Variants in MUC17 observed in about 807,000 individuals in gnomAD.
MUC17 encodes the protein mucin 17, cell surface associated.
MUC17 carries 190 observed loss-of-function variants against 170.3 expected under a neutral mutation model. The ratio of observed to expected loss-of-function variants is 1.12; its 90% confidence interval spans 0.99 to 1.26. MUC17 has a LOEUF of 1.26. Ranked by LOEUF, MUC17 falls within the 50% of genes most tolerant of loss-of-function variation. The pLI, the probability that MUC17 is intolerant of heterozygous loss-of-function variation, is 0.00. For synonymous variants in MUC17, 2,325 were observed against 2,002.5 expected, an observed-to-expected ratio of 1.16 and a Z score of -4.30; for missense variants, 6,415 against 5,530.0, an observed-to-expected ratio of 1.16 and a Z score of -5.08.
At chr7:101,024,095 T>G (rs1177109002) in intron 1 of MUC17, among the ~76,000 whole-genome samples, 1 of 151,000 alleles carries the variant, frequency 6.6e-6, no homozygotes, top group Middle Eastern at 3.2e-3. Flanking sequence ...CAGGCTTTCT[T>G]TTTTTTTTAA....
At position 101,041,097 on chromosome 7, in the gene MUC17, A is replaced by G. The variant is rs878877374; in HGVS notation, c.9681A>G (p.Val3227=). ...PSEGMTPLTS[V]PVSNTPVASS... is the part of the protein sequence containing the mutation. ...AAGGAATGACTCCATTAACTAGTGTACCTGTCAGCAACACGCCGGTGGCCA... is the reference window on the plus strand; with the variant it reads ...AAGGAATGACTCCATTAACTAGTGTGCCTGTCAGCAACACGCCGGTGGCCA... Residue 3227 remains valine (V), a synonymous_variant, in exon 3 of 13, where the codon GTA becomes GTG. Coordinates refer to ENST00000306151, the MANE Select transcript of MUC17 (RefSeq NM_001040105.2). 6.2e-7 allele frequency: 1 copy of G among 1,612,878 alleles called. No individual in the cohort carries two copies. Among genetic ancestry groups the G allele is most frequent in the East Asian group, 2.2e-5 (1 of 44,730 alleles).
In MUC17 at chr7:101,035,460, G is replaced by C. The variant is rs151068583; in HGVS notation, c.4044G>C (p.Leu1348=). ...PLTSIPVNTT[L]VASSAISILS... ...CAAGTATACCTGTCAACACCACACT[G>C]GTGGCCAGTTCTGCAATCAGCATCC... Residue 1348 remains leucine, a synonymous_variant, in exon 3 of 13, where the codon CTG becomes CTC. Coordinates refer to ENST00000306151, the MANE Select transcript of MUC17 (RefSeq NM_001040105.2). 4 of 1,600,822 alleles carry C rather than the reference G, an allele frequency of 2.5e-6. No individual in the cohort carries two copies. Among genetic ancestry groups the C allele is most frequent in the East Asian group, 4.6e-5 (2 of 43,838 alleles).
At chr7:101,026,107 C>T (rs1343074392) in intron 1 of MUC17, among the ~76,000 whole-genome samples, 1 of 152,216 alleles carries the variant, frequency 6.6e-6, no homozygotes, top group African/African-American at 2.4e-5. Flanking sequence ...CCTATACTCA[C>T]CCCTGCAAAG....
At position 101,044,484 on chromosome 7, in the gene MUC17, T is replaced by A. The variant is rs575087895; in HGVS notation, c.12403+665T>A. Among the ~76,000 whole-genome samples the A allele has an allele frequency of 4.6e-5, 7 of 152,372 alleles. No homozygotes were observed. In the South Asian group the frequency reaches 8.3e-4, roughly 18 times the overall value. On this transcript the variant is annotated intron_variant, in intron 3 of 12. Transcript: ENST00000306151. ...TTTGCTCTGACTTACTTGTTTTCCC[T>A]TTGATAAAACCTGCATCAAGGTTTT...
chr7:101,033,574 A>T lies in MUC17; in HGVS notation c.2158A>T (p.Thr720Ser). 1 of 1,614,040 alleles carries T rather than the reference A, an allele frequency of 6.2e-7. No individual in the cohort carries two copies. The highest frequency in any genetic ancestry group is 8.5e-7 in the Non-Finnish European group (1 of 1,179,988). ...TCCTGTTGACACCAGCACACCTGTG[A>T]CCACTTCAACTGAAGCCAGTTCCTC... is the stretch of plus-strand genomic sequence containing the variant. Reference protein sequence around the residue: ...TTPVDTSTPVTTSTEASSSPT... With the variant: ...TTPVDTSTPVSTSTEASSSPT... Residue 720 changes from threonine to serine, a missense_variant, in exon 3 of 13, where the codon ACC becomes TCC. Transcript: ENST00000306151.
In MUC17 at chr7:101,032,171, A is replaced by G. The variant is rs1794300324; in HGVS notation, c.755A>G (p.Gln252Arg). ...EISTPVTISA[Q>R]ASSSPTTAEG... is the part of the protein sequence containing the mutation. ...AGCACACCTGTGACCATTTCTGCTC[A>G]AGCCAGTTCATCTCCTACAACTGCT... Residue 252 changes from glutamine (Q) to arginine (R), a missense_variant, in exon 3 of 13, where the codon CAA becomes CGA. Gln to Arg is a conservative substitution (Grantham distance 43). Coordinates refer to ENST00000306151, the MANE Select transcript of MUC17 (RefSeq NM_001040105.2). 6.2e-7 allele frequency: 1 copy of G among 1,613,994 alleles called. No individual in the cohort carries two copies. The highest frequency in any genetic ancestry group is 1.7e-5 in the Admixed American group (1 of 59,976).
At position 101,029,358 on chromosome 7, in the gene MUC17, A is replaced by AATAC. The variant is rs566444883; in HGVS notation, c.83-1747_83-1744dup. On this transcript the variant is annotated intron_variant, in intron 1 of 12. Coordinates refer to ENST00000306151, the MANE Select transcript of MUC17 (RefSeq NM_001040105.2). ...GCAACAGAGCGAGGCTCTGTCTCTAAATACATACATACATACATGTATACA... is the reference window on the plus strand; with the variant it reads ...GCAACAGAGCGAGGCTCTGTCTCTAAATACATACATACATACATACATGTATACA... Among the ~76,000 whole-genome samples the AATAC allele has an allele frequency of 3.3e-3, 494 of 151,960 alleles. 5 individuals carry two copies. Among genetic ancestry groups the AATAC allele is most frequent in the African/African-American group, 0.011 (456 of 41,448 alleles).
In MUC17 at chr7:101,056,272, T is replaced by C; in HGVS notation, c.13440+2T>C. The stretch of plus-strand genomic sequence containing the variant: ...AGACACATAGACCCTGAAACAAAGG[T>C]AAGAAGGGCCTGGATGGGATGCTGG... On this transcript the variant is annotated splice_donor_variant, in intron 12 of 12. Coordinates refer to ENST00000306151, the MANE Select transcript of MUC17 (RefSeq NM_001040105.2). LOFTEE classifies it high-confidence loss of function. The C allele has an allele frequency of 6.2e-7, 1 of 1,613,606 alleles. No individual in the cohort carries two copies. Among genetic ancestry groups the C allele is most frequent in the Non-Finnish European group, 8.5e-7 (1 of 1,179,750 alleles).
intron 1 of MUC17, 73 bp from the exon 2 acceptor site, chr7:101,031,045 TAG>T: frequency 6.7e-7 from 1 of 1,484,788 alleles, no homozygotes. Flanking sequence ...GGGCAGGGAG[TAG>T]AGACTCAGAG....
Position 101,038,974 on chromosome 7 carries a change from A to T in MUC17, c.7558A>T (p.Ile2520Leu), listed in dbSNP as rs1463908632. 4.3e-6 allele frequency: 7 copies of T among 1,613,692 alleles called. No individual in the cohort carries two copies. The highest frequency in any genetic ancestry group is 5.9e-6 in the Non-Finnish European group (7 of 1,179,924). Residue 2520 changes from isoleucine (I) to leucine (L), a missense_variant, in exon 3 of 13, where the codon ATA (isoleucine) becomes TTA (leucine). Ile to Leu is a conservative substitution (Grantham distance 5). Coordinates refer to ENST00000306151, the MANE Select transcript of MUC17 (RefSeq NM_001040105.2). ...TGAAGGAAGTACTCTATTAACAAGT[A>T]TACCTGTCAGCACCACGCCAGTGGC... The part of the protein sequence containing the change: ...ASEGSTLLTS[I>L]PVSTTPVASP...
At position 101,032,813 on chromosome 7, in the gene MUC17, G is replaced by C; in HGVS notation, c.1397G>C (p.Ser466Thr). Residue 466 changes from serine to threonine, a missense_variant, in exon 3 of 13, where the codon AGT becomes ACT. Physicochemically the swap from Ser to Thr is moderately conservative, Grantham distance 58. Transcript: ENST00000306151. ...SMPVSTTPVA[S>T]SEASNLSTTP... ...CCTGTCAGCACCACTCCAGTGGCCAGTTCTGAGGCTAGCAACCTTTCAACA... is the reference window on the plus strand; with the variant it reads ...CCTGTCAGCACCACTCCAGTGGCCACTTCTGAGGCTAGCAACCTTTCAACA... The C allele has an allele frequency of 6.2e-7, 1 of 1,614,036 alleles. No individual in the cohort carries two copies. Among genetic ancestry groups the C allele is most frequent in the Non-Finnish European group, 8.5e-7 (1 of 1,180,004 alleles).
At chr7:101,031,513 T>G in intron 2 of MUC17, 88 bp from the exon 3 acceptor site, 2 of 1,355,074 alleles carry the variant, frequency 1.5e-6, no homozygotes, top group Non-Finnish European at 9.9e-7. Flanking sequence ...TGAACACATT[T>G]TCAGTAAAAA....
At position 101,050,089 on chromosome 7, in the gene MUC17, C is replaced by T. The variant is rs11972523; in HGVS notation, c.12723-395C>T. Among the ~76,000 whole-genome samples the T allele has an allele frequency of 3.4e-3, 517 of 152,270 alleles. 4 individuals are homozygous for T. Among genetic ancestry groups the T allele is most frequent in the African/African-American group, 0.012 (487 of 41,558 alleles). ...GAGGCTAGAGTAAGCCAGGATCGCACCATTGCTCTCCAGCCTGGGCAGCAG... is the reference window on the plus strand; with the variant it reads ...GAGGCTAGAGTAAGCCAGGATCGCATCATTGCTCTCCAGCCTGGGCAGCAG... On this transcript the variant is annotated intron_variant, in intron 6 of 12. Transcript: ENST00000306151.
rs201063970 is a variant in MUC17, at chr7:101,035,605, C to A, written c.4189C>A (p.Pro1397Thr). 1 of 1,613,466 alleles carries A rather than the reference C, an allele frequency of 6.2e-7. No homozygotes were observed. Among genetic ancestry groups the A allele is most frequent in the Non-Finnish European group, 8.5e-7 (1 of 1,179,804 alleles). ...CTCAAATCCTAGTGAAGGAACCACT[C>A]CGTTAACAAGTATACCTGTCAGCAC... ...PNSNPSEGTT[P>T]LTSIPVSTTP... Residue 1397 changes from proline to threonine, a missense_variant, in exon 3 of 13, where the codon CCG becomes ACG. Coordinates refer to ENST00000306151, the MANE Select transcript of MUC17 (RefSeq NM_001040105.2).
At chr7:101,026,174 AGGGCCTACC>A (rs1309240516) in intron 1 of MUC17, among the ~76,000 whole-genome samples, 2 of 152,194 alleles carry the variant, frequency 1.3e-5, no homozygotes, top group African/African-American at 4.8e-5. Context: ...TCAGTGGATC[AGGGCCTACC>A]GGGCACAGTG....
Position 101,041,418 on chromosome 7 carries a change from T to C in MUC17, c.10002T>C (p.Thr3334=), listed in dbSNP as rs1391984478. ...ACGGTACTAGCATGCCAACCTCAAC[T>C]TATAGTGAAGGAAGCACTCCACTAA... is the stretch of plus-strand genomic sequence containing the variant. ...IADGTSMPTS[T]YSEGSTPLTN... The change falls in exon 3 of 13, where the codon ACT becomes ACC. Residue 3334 remains threonine, a synonymous_variant. Transcript: ENST00000306151. The C allele has an allele frequency of 4.3e-6, 7 of 1,614,052 alleles. No homozygotes were observed. In the Admixed American group the frequency reaches 1.0e-4, roughly 23 times the overall value.
Position 101,037,545 on chromosome 7 carries a change from C to T in MUC17, c.6129C>T (p.Thr2043=). Residue 2043 remains threonine, a synonymous_variant, in exon 3 of 13, where the codon ACC becomes ACT. Coordinates refer to ENST00000306151, the MANE Select transcript of MUC17 (RefSeq NM_001040105.2). The part of the protein sequence containing the change: ...SIQTSTPSER[T]TPLAGMPVST... ...AAACCTCAACTCCTAGTGAACGGAC[C>T]ACTCCATTAGCAGGTATGCCTGTCA... 6.2e-7 allele frequency: 1 copy of T among 1,613,710 alleles called. No homozygotes were observed. The highest frequency in any genetic ancestry group is 8.5e-7 in the Non-Finnish European group (1 of 1,179,862).
chr7:101,039,500 C>A lies in MUC17; in HGVS notation c.8084C>A (p.Thr2695Lys), dbSNP rs773803822. The stretch of plus-strand genomic sequence containing the variant: ...CCTGGTGAAAGAAGCACTCCATTAA[C>A]AAATATACTTGTCAGCACCACGCTG... ...STPGERSTPLTNILVSTTLLA... is the reference protein window; with the variant it reads ...STPGERSTPLKNILVSTTLLA... Residue 2695 changes from threonine to lysine, a missense_variant, in exon 3 of 13, where the codon ACA (threonine) becomes AAA (lysine). Coordinates refer to ENST00000306151, the MANE Select transcript of MUC17 (RefSeq NM_001040105.2). 3 of 1,610,700 alleles carry A rather than the reference C, an allele frequency of 1.9e-6. No homozygotes were observed. In the Admixed American group the frequency reaches 5.0e-5, roughly 27 times the overall value.
At position 101,031,937 on chromosome 7, in the gene MUC17, C is replaced by G; in HGVS notation, c.521C>G (p.Ala174Gly). The change falls in exon 3 of 13, where the codon GCC (alanine) becomes GGC (glycine). Residue 174 changes from alanine (A) to glycine (G), a missense_variant. Transcript: ENST00000306151. ...ACTGCACCTCTTCCCAGTTTTGAGG[C>G]CTACACATCTTTAACATATAAGGTT... ...VSTAPLPSFE[A>G]YTSLTYKVDM... 6.2e-7 allele frequency: 1 copy of G among 1,614,056 alleles called. No individual in the cohort carries two copies. The highest frequency in any genetic ancestry group is 1.3e-5 in the African/African-American group (1 of 75,054).
Sources: allele counts gnomAD v4.1 joint callset (sites outside exome capture counted in the v4.1 genomes callset), GRCh38; gene constraint gnomAD v4.1.1; transcripts MANE v1.5; gene names NCBI Gene and HGNC (gene_info 2026-07-23, HGNC 2026-07-21).